The following HUNK variants were observed in gnomAD, a reference collection of about 807,000 sequenced individuals.
HUNK encodes hormonally up-regulated neu tumor-associated kinase.
A neutral mutation model predicts 61.0 loss-of-function variants in HUNK; 21 were observed. That is an observed-to-expected ratio of 0.34 (90% confidence interval 0.24 to 0.50). The LOEUF is 0.50. Ranked by LOEUF, HUNK falls within the 20% of genes least tolerant of loss-of-function variation. The pLI is 0.98. For synonymous variants in HUNK, 371 were observed against 386.1 expected, an observed-to-expected ratio of 0.96 and a Z score of 0.46; for missense variants, 772 against 945.7, an observed-to-expected ratio of 0.82 and a Z score of 2.41.
intron 9 of HUNK, among the ~76,000 whole-genome samples, chr21:31,995,339 T>C (rs547337539): frequency 6.6e-6 from 1 of 152,324 alleles, no homozygotes; most frequent in African/African-American, 2.4e-5. Context: ...CTGCCCCAAA[T>C]AGAACCTGAT....
Position 31,983,622 on chromosome 21 carries a change from T to G in HUNK, c.1257+13T>G. 13 of 1,583,480 alleles carry G rather than the reference T, an allele frequency of 8.2e-6. No individual in the cohort carries two copies. Among genetic ancestry groups the G allele is most frequent in the Non-Finnish European group, 1.1e-5 (13 of 1,153,390 alleles). Reference sequence around the variant, plus strand: ...GGAGTCCTATGAGGTGAGTGACCCCTGAAGCAAACCTCAGGGTCTCTTAGG... The same window carrying G: ...GGAGTCCTATGAGGTGAGTGACCCCGGAAGCAAACCTCAGGGTCTCTTAGG... On this transcript the variant is annotated intron_variant, in intron 8 of 10. Transcript: ENST00000270112.
At chr21:31,939,981 A>G (rs2052759170) in intron 2 of HUNK, among the ~76,000 whole-genome samples, 184 bp from the exon 3 acceptor site, 1 of 152,018 alleles carries the variant, frequency 6.6e-6, no homozygotes, top group South Asian at 2.1e-4. Context: ...TTTATAGTCT[A>G]CAGCAATTAA....
intron 4 of HUNK, among the ~76,000 whole-genome samples, chr21:31,956,480 G>A (rs1268151479): frequency 6.6e-6 from 1 of 152,032 alleles, no homozygotes; most frequent in Non-Finnish European, 1.5e-5. Flanking sequence ...AGAATTTTTC[G>A]AAGCAAGAGT....
At chr21:31,929,076 G>A (rs1568927641) in intron 2 of HUNK, among the ~76,000 whole-genome samples, 1 of 151,924 alleles carries the variant, frequency 6.6e-6, no homozygotes, top group Non-Finnish European at 1.5e-5. Flanking sequence ...GTTAGGGGAT[G>A]CTTTAAAAAT....
chr21:31,971,157 C>T (rs1005694009), intron 6 of HUNK, among the ~76,000 whole-genome samples: 1 of 152,080 alleles, frequency 6.6e-6, no homozygotes, highest in Non-Finnish European at 1.5e-5. Context: ...CGGCTCACTG[C>T]AACCTCCGCC....
At chr21:31,874,487 C>T (rs7280639) in intron 1 of HUNK, among the ~76,000 whole-genome samples, 51,777 of 151,636 alleles carry the variant, frequency 0.34, 9,322 homozygotes, top group East Asian at 0.63. Context: ...TTTTTGGCAG[C>T]TAGGGAATTT....
At chr21:31,900,382 G>GC (rs1488069524) in intron 1 of HUNK, among the ~76,000 whole-genome samples, 4 of 151,356 alleles carry the variant, frequency 2.6e-5, no homozygotes, top group African/African-American at 9.7e-5. Flanking sequence ...GCACAAGCAA[G>GC]CGTGTGGTAG....
At chr21:31,965,437 T>C (rs2052957578) in intron 5 of HUNK, among the ~76,000 whole-genome samples, 1 of 151,964 alleles carries the variant, frequency 6.6e-6, no homozygotes, top group African/African-American at 2.4e-5. Flanking sequence ...CCTGCACATG[T>C]ACCCCCGAAC....
chr21:31,891,203 C>G (rs1254389953), intron 1 of HUNK, among the ~76,000 whole-genome samples: 1 of 152,144 alleles, frequency 6.6e-6, no homozygotes, highest in Non-Finnish European at 1.5e-5. Context: ...GTGGCAAAAC[C>G]CTGTCTCTAC....
chr21:31,900,887 A>G (rs1426966909), intron 1 of HUNK, among the ~76,000 whole-genome samples: 1 of 152,096 alleles, frequency 6.6e-6, no homozygotes, highest in Non-Finnish European at 1.5e-5. Context: ...AACAACGGAA[A>G]CTGTCTCACG....
At chr21:31,881,320 C>T (rs917582015) in intron 1 of HUNK, among the ~76,000 whole-genome samples, 1 of 152,158 alleles carries the variant, frequency 6.6e-6, no homozygotes. Context: ...CCTCTCATCT[C>T]GTTACCTTGA....
chr21:31,916,151 T>G (rs113887144), intron 1 of HUNK, among the ~76,000 whole-genome samples: 3 of 143,722 alleles, frequency 2.1e-5, no homozygotes, highest in Non-Finnish European at 4.5e-5. Context: ...CCCGGGTTCA[T>G]GCCATTCTCC....
At position 31,998,689 on chromosome 21, in the gene HUNK, G is replaced by A. The variant is rs776201910; in HGVS notation, c.1650G>A (p.Lys550=). ...CCGGAAGCACTGGCATCCCCCACAA[G>A]GAAGACCCCCTGATGCTGGACATGG... ...PGPGSTGIPH[K]EDPLMLDMVR... Residue 550 remains lysine (K), a synonymous_variant, in exon 11 of 11, where the codon AAG becomes AAA. Transcript: ENST00000270112. The A allele has an allele frequency of 3.7e-6, 6 of 1,614,004 alleles. No individual in the cohort carries two copies. The highest frequency in any genetic ancestry group is 4.2e-6 in the Non-Finnish European group (5 of 1,180,032).
chr21:31,931,166 T>C lies in HUNK; in HGVS notation c.554+6406T>C, dbSNP rs551376000. ...GAGTTTGGGATGCTTTATTCTTAGT[T>C]TATTATTAAAATCCATCTTGTGACC... On this transcript the variant is annotated intron_variant, in intron 2 of 10. Transcript: ENST00000270112. 7.2e-5 allele frequency among the ~76,000 whole-genome samples: 11 copies of C among 152,084 alleles called. No individual in the cohort carries two copies. In the South Asian group the frequency reaches 2.3e-3, roughly 32 times the overall value.
intron 2 of HUNK, among the ~76,000 whole-genome samples, chr21:31,933,955 G>A (rs1010426017): frequency 2.6e-5 from 4 of 151,814 alleles, no homozygotes; most frequent in African/African-American, 9.7e-5. Flanking sequence ...TTCCCTCACC[G>A]CATCGTCATG....
In HUNK at chr21:31,999,447, T is replaced by G; in HGVS notation, c.*263T>G. On this transcript the variant is annotated 3_prime_UTR_variant, in exon 11 of 11. Transcript: ENST00000270112. ...TTCCTCCCAAGTACTCACCAACCCCTTCCACTTCCCACTTCCCCCAGGCTT... is the reference window on the plus strand; with the variant it reads ...TTCCTCCCAAGTACTCACCAACCCCGTCCACTTCCCACTTCCCCCAGGCTT... 1 of 417,800 alleles carries G rather than the reference T, an allele frequency of 2.4e-6. No individual in the cohort carries two copies. The allele number at this position is 417,800 out of a possible 1,614,324, so 25.9% of individuals were successfully genotyped here. A position where few individuals can be genotyped will look rare whatever the true frequency, so the allele number is the denominator to read the frequency against.
chr21:31,946,442 C>T (rs1025042763), intron 4 of HUNK, among the ~76,000 whole-genome samples: 2 of 152,112 alleles, frequency 1.3e-5, no homozygotes, highest in Admixed American at 6.5e-5. Flanking sequence ...TCTGGCTCTG[C>T]GACTCATTTA....
At chr21:31,886,124 G>A (rs147578983) in intron 1 of HUNK, among the ~76,000 whole-genome samples, 2,594 of 152,210 alleles carry the variant, frequency 0.017, 36 homozygotes, top group Non-Finnish European at 0.024. Context: ...CTTCTCTAAA[G>A]ACCTCATATT....
chr21:31,948,777 G>C (rs1476596412), intron 4 of HUNK, among the ~76,000 whole-genome samples: 1 of 152,186 alleles, frequency 6.6e-6, no homozygotes, highest in East Asian at 1.9e-4. Context: ...GCAAGCAGAG[G>C]AATGTGGGTC....
Sources: gnomAD v4.1 joint callset for allele counts (sites outside exome capture counted in the v4.1 genomes callset) on GRCh38, gnomAD v4.1.1 for gene constraint, MANE v1.5 for transcripts, NCBI Gene and HGNC (gene_info 2026-07-23, HGNC 2026-07-21) for gene names.